WDR64: variants seen among roughly 807,000 people sequenced by gnomAD.
WDR64 encodes WD repeat-containing protein 64.
WDR64 carries 112 observed loss-of-function variants against 139.3 expected under a neutral mutation model. That is an observed-to-expected ratio of 0.80 (90% CI 0.69 to 0.94). The LOEUF (loss-of-function observed/expected upper bound fraction) is 0.94. WDR64 is among the 40% of genes least tolerant of loss of function. The pLI, the probability that WDR64 is intolerant of heterozygous loss-of-function variation, is 0.00. For missense variants in WDR64, 1,206 were observed against 1,293.1 expected, an observed-to-expected ratio of 0.93 and a Z score of 1.03; for synonymous variants, 444 against 437.7, an observed-to-expected ratio of 1.01 and a Z score of -0.18.
chr1:241,787,757 C>T, intron 23 of WDR64, 92 bp from the exon 24 acceptor site: 1 of 1,079,560 alleles, frequency 9.3e-7, no homozygotes, highest in Non-Finnish European at 1.3e-6. Context: ...CTTGATGGAC[C>T]AGCGCTAATT....
chr1:241,709,047 A>C (rs7355179), intron 8 of WDR64, among the ~76,000 whole-genome samples: 2,116 of 152,332 alleles, frequency 0.014, 41 homozygotes, highest in African/African-American at 0.048. Context: ...CATGGTATCC[A>C]GTATAGACTC....
At chr1:241,678,241 A>G (rs1440747178) in intron 5 of WDR64, 25 bp downstream of exon 5, 5 of 398,908 alleles carry the variant, frequency 1.3e-5, no homozygotes, top group Admixed American at 4.4e-5. Context: ...AAAATTCCTA[A>G]TTAAGTCAAA....
chr1:241,674,987 C>CCTT (rs1666432921), intron 4 of WDR64, among the ~76,000 whole-genome samples: 1 of 44,540 alleles, frequency 2.2e-5, no homozygotes, highest in South Asian at 8.6e-4. Flanking sequence ...CTTCTTTCCT[C>CCTT]CCTTTCTCCC....
At chr1:241,796,595 T>C (rs1659371792) in intron 27 of WDR64, among the ~76,000 whole-genome samples, 2 of 151,982 alleles carry the variant, frequency 1.3e-5, no homozygotes. Context: ...CAGGTTCAAA[T>C]GATTCTTCTG....
intron 23 of WDR64, among the ~76,000 whole-genome samples, chr1:241,784,840 G>C (rs1032340498): frequency 6.8e-6 from 1 of 146,944 alleles, no homozygotes; most frequent in Non-Finnish European, 1.5e-5. Flanking sequence ...TGTAATCCCA[G>C]CTACTTGGGA....
intron 23 of WDR64, among the ~76,000 whole-genome samples, chr1:241,785,760 C>T (rs1040446661): frequency 6.6e-6 from 1 of 152,168 alleles, no homozygotes; most frequent in Non-Finnish European, 1.5e-5. Context: ...CGTTCTAAAT[C>T]TTGCTTGTCA....
chr1:241,769,577 A>C, intron 17 of WDR64, 72 bp downstream of exon 17: 1 of 1,315,194 alleles, frequency 7.6e-7, no homozygotes, highest in East Asian at 2.6e-5. Flanking sequence ...TTGATGCAAA[A>C]TTAATTGTGG....
At chr1:241,676,745 G>GTTTTTTTTTTTTTTTTTTTTT (rs11342790) in intron 4 of WDR64, among the ~76,000 whole-genome samples, 1 of 124,358 alleles carries the variant, frequency 8.0e-6, no homozygotes, top group African/African-American at 3.0e-5. Context: ...AAAATTAATG[G>GTTTTTTTTTTTTTTTTTTTTT]TTTTTTTTTT....
chr1:241,741,909 T>C (rs930904910), intron 12 of WDR64, among the ~76,000 whole-genome samples: 1 of 152,120 alleles, frequency 6.6e-6, no homozygotes, highest in African/African-American at 2.4e-5. Context: ...ACAATCAAAA[T>C]AGGAATTTTA....
chr1:241,743,350 C>G (rs1669624300), intron 12 of WDR64, among the ~76,000 whole-genome samples: 1 of 152,062 alleles, frequency 6.6e-6, no homozygotes, highest in Non-Finnish European at 1.5e-5. Context: ...CCTTAAGAAC[C>G]CTGTCTATAA....
At chr1:241,665,301 T>C (rs934571867) in intron 2 of WDR64, among the ~76,000 whole-genome samples, 2 of 152,224 alleles carry the variant, frequency 1.3e-5, no homozygotes, top group Admixed American at 1.3e-4. Context: ...GGCATTTCTA[T>C]TTCAAGCCAT....
intron 21 of WDR64, among the ~76,000 whole-genome samples, chr1:241,779,706 T>C (rs2148313901): frequency 6.6e-6 from 1 of 152,212 alleles, no homozygotes; most frequent in South Asian, 2.1e-4. Context: ...GGCAGGCACC[T>C]GTAATCCCAG....
chr1:241,749,840 T>C, intron 14 of WDR64, 118 bp downstream of exon 14: 1 of 1,178,908 alleles, frequency 8.5e-7, no homozygotes. Context: ...AGATGGTATT[T>C]ATCCTCAGCC....
At chr1:241,751,981 A>G (rs376270918) in intron 14 of WDR64, among the ~76,000 whole-genome samples, 9 of 152,330 alleles carry the variant, frequency 5.9e-5, no homozygotes, top group African/African-American at 2.2e-4. Flanking sequence ...CTGTTCTAAC[A>G]TGATAAACAA....
chr1:241,679,770 C>T (rs1666703795), intron 6 of WDR64, among the ~76,000 whole-genome samples, 175 bp downstream of exon 6: 1 of 152,108 alleles, frequency 6.6e-6, no homozygotes, highest in Admixed American at 6.5e-5. Context: ...TTAAAAGGGA[C>T]TATTCTTTTC....
chr1:241,742,869 A>G (rs1669601126), intron 12 of WDR64, among the ~76,000 whole-genome samples: 1 of 152,130 alleles, frequency 6.6e-6, no homozygotes. Context: ...AACCGTGTCC[A>G]TCATTACGGC....
At chr1:241,800,785 C>T (rs113582759) in intron 27 of WDR64, among the ~76,000 whole-genome samples, 2,484 of 152,222 alleles carry the variant, frequency 0.016, 68 homozygotes, top group African/African-American at 0.056. Flanking sequence ...TAATTGTGCT[C>T]GCTTCAGCAG....
At chr1:241,690,788 C>T (rs1300322718) in intron 8 of WDR64, among the ~76,000 whole-genome samples, 3 of 151,806 alleles carry the variant, frequency 2.0e-5, no homozygotes, top group African/African-American at 7.3e-5. Flanking sequence ...AAACTTGCAT[C>T]TATATAAAGA....
At chr1:241,777,552 G>A (rs1658699225) in intron 21 of WDR64, among the ~76,000 whole-genome samples, 1 of 150,410 alleles carries the variant, frequency 6.6e-6, no homozygotes, top group African/African-American at 2.5e-5. Flanking sequence ...CAAGTAGCTG[G>A]GATTACAGGC....
Sources: allele counts gnomAD v4.1 joint callset (sites outside exome capture counted in the v4.1 genomes callset), GRCh38; gene constraint gnomAD v4.1.1; transcripts MANE v1.5; gene names NCBI Gene and HGNC (gene_info 2026-07-23, HGNC 2026-07-21).